Variants in ARFGEF1 observed in about 807,000 individuals in gnomAD.
The protein encoded by ARFGEF1 is ARF guanine nucleotide exchange factor 1.
A neutral mutation model predicts 231.0 loss-of-function variants in ARFGEF1; 42 were observed. The ratio of observed to expected loss-of-function variants is 0.18; its 90% confidence interval spans 0.14 to 0.24. The LOEUF (loss-of-function observed/expected upper bound fraction) is 0.24. Ranked by LOEUF, ARFGEF1 falls within the 10% of genes least tolerant of loss-of-function variation. ARFGEF1 has a pLI of 1.00. For missense variants in ARFGEF1, 1,345 were observed against 2,192.0 expected, an observed-to-expected ratio of 0.61 and a Z score of 7.72; for synonymous variants, 710 against 732.3, an observed-to-expected ratio of 0.97 and a Z score of 0.49.
At chr8:67,312,262 A>C (rs949641013) in intron 1 of ARFGEF1, among the ~76,000 whole-genome samples, 2 of 151,336 alleles carry the variant, frequency 1.3e-5, no homozygotes, top group Non-Finnish European at 2.9e-5. Flanking sequence ...AAAAAAAAAC[A>C]ACACACACCA....
intron 23 of ARFGEF1, 110 bp downstream of exon 23, chr8:67,232,745 T>G: frequency 1.2e-6 from 1 of 830,320 alleles, no homozygotes; most frequent in Admixed American, 2.8e-5. Flanking sequence ...TAATTTTATA[T>G]TACTTTAGAA....
chr8:67,203,366 G>A, intron 35 of ARFGEF1, 115 bp from the exon 36 acceptor site: 1 of 1,195,064 alleles, frequency 8.4e-7, no homozygotes, highest in South Asian at 1.5e-5. Context: ...TACTCAGCTT[G>A]ATCTAACCTA....
chr8:67,192,647 T>C (rs914559048), intron 5 of ARFGEF1, among the ~76,000 whole-genome samples: 1 of 152,206 alleles, frequency 6.6e-6, no homozygotes, highest in Non-Finnish European at 1.5e-5. Flanking sequence ...TTTCAGTTTG[T>C]TCTTAATTGT....
chr8:67,332,309 G>A lies in ARFGEF1; in HGVS notation c.124+10855C>T, dbSNP rs540470633. On this transcript the variant is annotated intron_variant, in intron 1 of 38. Transcript: ENST00000262215. ...ATCAATTCTTAAAATGATTTGAAATGTTACAAAATATTAATATAAAAAGCA... is the reference window on the plus strand; with the variant it reads ...ATCAATTCTTAAAATGATTTGAAATATTACAAAATATTAATATAAAAAGCA... 2.6e-5 allele frequency among the ~76,000 whole-genome samples: 4 copies of A among 152,232 alleles called. No individual in the cohort carries two copies. In the South Asian group the frequency reaches 8.3e-4, roughly 32 times the overall value.
At chr8:67,196,154 C>T (rs1223016966), downstream of ARFGEF1, 1 of 152,244 alleles carries the variant, frequency 6.6e-6, no homozygotes, top group East Asian at 1.9e-4. Flanking sequence ...ATGTTTGTTA[C>T]ATCATCTTTC....
At chr8:67,216,303 A>G (rs1324912147) in intron 33 of ARFGEF1, among the ~76,000 whole-genome samples, 1 of 152,136 alleles carries the variant, frequency 6.6e-6, no homozygotes, top group Non-Finnish European at 1.5e-5. Flanking sequence ...AAAGGACTGG[A>G]GGGAACTAGC....
At position 67,271,576 on chromosome 8, in the gene ARFGEF1, A is replaced by G. The variant is rs1805102601; in HGVS notation, c.1572+126T>C. ...TTAGTTGAACAGGTGAATGAAAAAA[A>G]ATAAGTGCATGGCAATATACAAATA... On this transcript the variant is annotated intron_variant, in intron 10 of 38. Coordinates refer to ENST00000262215, the MANE Select transcript of ARFGEF1 (RefSeq NM_006421.5). The G allele has an allele frequency of 9.6e-6, 7 of 727,964 alleles. No homozygotes were observed. In the East Asian group the frequency reaches 1.9e-4, roughly 20 times the overall value. 45.1% of individuals were successfully genotyped at this position (727,964 alleles called of 1,614,324 possible).
chr8:67,215,246 T>C (rs1838886151), intron 33 of ARFGEF1, among the ~76,000 whole-genome samples: 1 of 152,166 alleles, frequency 6.6e-6, no homozygotes, highest in Admixed American at 6.5e-5. Flanking sequence ...GGACTTTTGA[T>C]TATATTTATA....
At position 67,289,285 on chromosome 8, in the gene ARFGEF1, G is replaced by T. The variant is rs578231969; in HGVS notation, c.917-1220C>A. On this transcript the variant is annotated intron_variant, in intron 6 of 38. Transcript: ENST00000262215. Reference sequence around the variant, plus strand: ...AGGACCACTACAGCTGAGCACAGGGGGGGTCACACCTGTAATCCCAGCACT... The same window carrying T: ...AGGACCACTACAGCTGAGCACAGGGTGGGTCACACCTGTAATCCCAGCACT... Among the ~76,000 whole-genome samples the T allele has an allele frequency of 1.4e-4, 21 of 152,014 alleles. No individual in the cohort carries two copies. In the South Asian group the frequency reaches 4.4e-3, roughly 32 times the overall value.
In ARFGEF1 at chr8:67,316,483, A is replaced by T. The variant is rs530611899; in HGVS notation, c.125-14017T>A. On this transcript the variant is annotated intron_variant, in intron 1 of 38. Transcript: ENST00000262215. ...TGTATAATTTTTTTTTTTTTCTGAG[A>T]CGGGGTCCACTCTGTTGCCCAGGCT... Among the ~76,000 whole-genome samples, 701 of 150,812 alleles carry T rather than the reference A, an allele frequency of 4.6e-3. 5 individuals carry two copies. Among genetic ancestry groups the T allele is most frequent in the Non-Finnish European group, 8.1e-3 (547 of 67,766 alleles).
intron 4 of ARFGEF1, among the ~76,000 whole-genome samples, chr8:67,298,741 T>C (rs1160819529): frequency 2.0e-5 from 3 of 152,164 alleles, no homozygotes; most frequent in African/African-American, 4.8e-5. Flanking sequence ...TCCCCTAATA[T>C]GGAGTCTAGA....
At chr8:67,313,508 T>C (rs1475138552) in intron 1 of ARFGEF1, among the ~76,000 whole-genome samples, 1 of 152,214 alleles carries the variant, frequency 6.6e-6, no homozygotes, top group African/African-American at 2.4e-5. Flanking sequence ...CCTTTTCCCA[T>C]GGATGTGGCT....
chr8:67,312,047 G>C (rs938267866), intron 1 of ARFGEF1, among the ~76,000 whole-genome samples: 3 of 151,982 alleles, frequency 2.0e-5, no homozygotes, highest in South Asian at 2.1e-4. Flanking sequence ...CAGCATGCTC[G>C]GTAAGAGTCA....
At chr8:67,211,038 C>T (rs1485657756) in intron 34 of ARFGEF1, among the ~76,000 whole-genome samples, 3 of 130,450 alleles carry the variant, frequency 2.3e-5, no homozygotes, top group African/African-American at 5.9e-5. Context: ...GGTGAGACTC[C>T]GTCTCAAAAA....
Position 67,343,225 on chromosome 8 carries a change from G to C in ARFGEF1, c.63C>G (p.Ala21=), listed in dbSNP as rs368321527. ...FLTRALEKIL[A]DKEVKKAHHS... is the part of the protein sequence containing the mutation. ...GATGCGCCTTCTTCACTTCCTTGTC[G>C]GCCAATATCTTCTCCAGAGCCCGGG... The change falls in exon 1 of 39, where the codon GCC becomes GCG. Residue 21 remains alanine (A), a synonymous_variant. Transcript: ENST00000262215. The C allele has an allele frequency of 6.2e-7, 1 of 1,613,670 alleles. No homozygotes were observed. The highest frequency in any genetic ancestry group is 1.3e-5 in the African/African-American group (1 of 74,958).
At chr8:67,278,124 T>C (rs1291682963) in intron 7 of ARFGEF1, among the ~76,000 whole-genome samples, 3 of 152,032 alleles carry the variant, frequency 2.0e-5, no homozygotes, top group Non-Finnish European at 4.4e-5. Context: ...ATAATGAAAA[T>C]AATACCAAGT....
intron 1 of ARFGEF1, among the ~76,000 whole-genome samples, chr8:67,307,241 TCC>T (rs1806790507): frequency 6.6e-6 from 1 of 152,230 alleles, no homozygotes; most frequent in African/African-American, 2.4e-5. Flanking sequence ...CCTGCTTGCC[TCC>T]TCCTTTTAAA....
intron 1 of ARFGEF1, among the ~76,000 whole-genome samples, chr8:67,316,223 T>C (rs1354325793): frequency 2.0e-5 from 3 of 152,174 alleles, no homozygotes; most frequent in African/African-American, 7.2e-5. Flanking sequence ...ATTCTTCCAA[T>C]ATGAAATAGA....
chr8:67,179,988 A>G, intron 5 of ARFGEF1: 1 of 915,888 alleles, frequency 1.1e-6, no homozygotes, highest in Non-Finnish European at 1.8e-6. Flanking sequence ...TCCACACTTA[A>G]AAACCAGTAC....
Sources: gnomAD v4.1 joint callset for allele counts (sites outside exome capture counted in the v4.1 genomes callset) on GRCh38, gnomAD v4.1.1 for gene constraint, MANE v1.5 for transcripts, NCBI Gene and HGNC (gene_info 2026-07-23, HGNC 2026-07-21) for gene names.